CARNMT1: variants seen among roughly 807,000 people sequenced by gnomAD.
CARNMT1 encodes the protein protein-L-histidine N-pros-methyltransferase CARNMT1.
Under a neutral mutation model 49.6 loss-of-function variants are expected in CARNMT1, and 28 were observed. The observed-to-expected ratio is 0.56, with a 90% CI of 0.42 to 0.77. The LOEUF (loss-of-function observed/expected upper bound fraction) is 0.77, where lower values mean the gene tolerates loss of function less well. Among genes scored for constraint, CARNMT1 ranks in the 30% least tolerant of loss-of-function variants. CARNMT1 has a pLI of 0.00. For synonymous variants in CARNMT1, 178 were observed against 175.0 expected (o/e 1.02, Z -0.13); for missense variants, 421 against 512.6 (o/e 0.82, Z 1.73).
At chr9:75,008,337 AT>A (rs889702547) in intron 3 of CARNMT1, among the ~76,000 whole-genome samples, 1 of 151,806 alleles carries the variant, frequency 6.6e-6, no homozygotes, top group African/African-American at 2.4e-5. Flanking sequence ...ATCTTTATAA[AT>A]TTTTTTTTCT....
In CARNMT1 at chr9:75,000,338, G is replaced by A. The variant is rs545189402; in HGVS notation, c.591-468C>T. On this transcript the variant is annotated intron_variant, in intron 3 of 7. Coordinates refer to ENST00000376834, the MANE Select transcript of CARNMT1 (RefSeq NM_152420.3). ...ATTAAACAGATGTAGAGTTTAATGT[G>A]TCAGGTATATCTCTAAATCCCTATA... Among the ~76,000 whole-genome samples the A allele has an allele frequency of 1.1e-4, 17 of 152,240 alleles. No individual in the cohort carries two copies. In the South Asian group the frequency reaches 3.1e-3, roughly 28 times the overall value.
intron 3 of CARNMT1, among the ~76,000 whole-genome samples, chr9:75,015,360 C>T (rs1411055088): frequency 2.0e-5 from 3 of 151,930 alleles, no homozygotes; most frequent in Non-Finnish European, 4.4e-5. Context: ...ATACTTGCAG[C>T]TAAATTGTAT....
rs1480997138 is a variant in CARNMT1 at position 74,983,112 on chromosome 9, A to G, written c.*655T>C. On this transcript the variant is annotated 3_prime_UTR_variant, in exon 8 of 8. Coordinates refer to ENST00000376834, the MANE Select transcript of CARNMT1 (RefSeq NM_152420.3). ...AGACACAGGCCAGGCGCGGTGGTAC[A>G]TGCCTACAGTCCTAGCTACTCAGGA... is the stretch of plus-strand genomic sequence containing the variant. The G allele has an allele frequency of 6.6e-6, 1 of 152,118 alleles. No individual in the cohort carries two copies. Among genetic ancestry groups the G allele is most frequent in the African/African-American group, 2.4e-5 (1 of 41,434 alleles). The allele number at this position is 152,118 out of a possible 1,614,324, so 9.4% of individuals were successfully genotyped here. A position where few individuals can be genotyped will look rare whatever the true frequency, so the allele number is the denominator to read the frequency against.
At chr9:75,021,264 A>T (rs1822344300) in intron 1 of CARNMT1, among the ~76,000 whole-genome samples, 1 of 143,292 alleles carries the variant, frequency 7.0e-6, no homozygotes, top group Admixed American at 7.0e-5. Flanking sequence ...TACATAGTAT[A>T]TATGTATATA....
intron 5 of CARNMT1, among the ~76,000 whole-genome samples, chr9:74,997,471 CCAA>C (rs1833220822): frequency 6.6e-6 from 1 of 152,178 alleles, no homozygotes; most frequent in Admixed American, 6.5e-5. Flanking sequence ...CTATGGCCTG[CCAA>C]CAAGTTTGCC....
intron 7 of CARNMT1, among the ~76,000 whole-genome samples, chr9:74,984,363 T>C (rs1832763597): frequency 6.6e-6 from 1 of 152,220 alleles, no homozygotes; most frequent in Non-Finnish European, 1.5e-5. Flanking sequence ...ATCAGTATTA[T>C]AATGATCGGC....
chr9:75,016,288 T>A lies in CARNMT1; in HGVS notation c.570A>T (p.Lys190Asn). The A allele has an allele frequency of 6.2e-7, 1 of 1,612,770 alleles. No individual in the cohort carries two copies. Among genetic ancestry groups the A allele is most frequent in the Non-Finnish European group, 8.5e-7 (1 of 1,179,728 alleles). ...TTTACCATCTCTCTTTTGGAAAATT[T>A]TTTAAAATTTCTTTAATGATTGGCT... ...CYQPIIKEIL[K>N]NFPKERWDPS... The change falls in exon 3 of 8, where the codon AAA becomes AAT. Residue 190 changes from lysine to asparagine, a missense_variant. Lys to Asn is a moderately conservative substitution (Grantham distance 94). This residue lies in a region of CARNMT1 where 235 missense variants were observed against 344.8 expected (regional missense o/e 0.68). Coordinates refer to ENST00000376834, the MANE Select transcript of CARNMT1 (RefSeq NM_152420.3).
intron 3 of CARNMT1, among the ~76,000 whole-genome samples, chr9:75,010,691 T>C (rs142608831): frequency 5.9e-5 from 9 of 152,244 alleles, no homozygotes; most frequent in African/African-American, 1.2e-4. Flanking sequence ...ATTGATGATA[T>C]AGATCTACCT....
chr9:74,995,890 C>A (rs1210849287), intron 6 of CARNMT1: 1 of 152,004 alleles, frequency 6.6e-6, no homozygotes, highest in Non-Finnish European at 1.5e-5. Context: ...ACTGGAGGGA[C>A]CATGTTATAG....
chr9:75,021,122 G>A (rs1822338512), intron 1 of CARNMT1, among the ~76,000 whole-genome samples: 1 of 151,248 alleles, frequency 6.6e-6, no homozygotes, highest in Non-Finnish European at 1.5e-5. Flanking sequence ...TAGCAGACAG[G>A]GTTTCATTGG....
chr9:74,983,667 T>C lies in CARNMT1; in HGVS notation c.*100A>G. On this transcript the variant is annotated 3_prime_UTR_variant, in exon 8 of 8. Transcript: ENST00000376834. ...TTAGGAATAAGAAGGCACCACTGAT[T>C]TGAGGTTGTGTCCTGTCATCACTGA... The C allele has an allele frequency of 1.6e-6, 1 of 633,326 alleles. No homozygotes were observed. The highest frequency in any genetic ancestry group is 2.8e-6 in the Non-Finnish European group (1 of 360,816). The allele number at this position is 633,326 out of a possible 1,614,324, so 39.2% of individuals were successfully genotyped here. A position where few individuals can be genotyped will look rare whatever the true frequency, so the allele number is the denominator to read the frequency against.
chr9:75,015,416 T>C (rs924016393), intron 3 of CARNMT1, among the ~76,000 whole-genome samples: 1 of 152,192 alleles, frequency 6.6e-6, no homozygotes, highest in Non-Finnish European at 1.5e-5. Flanking sequence ...CAAATTTACT[T>C]TTTAAATATT....
chr9:74,993,119 A>T (rs1833079204), intron 6 of CARNMT1, among the ~76,000 whole-genome samples: 1 of 152,168 alleles, frequency 6.6e-6, no homozygotes, highest in Admixed American at 6.5e-5. Context: ...CCAGGTGACT[A>T]GGAAGCATTA....
At chr9:75,026,810 T>C (rs1039198074) in intron 1 of CARNMT1, among the ~76,000 whole-genome samples, 4 of 152,226 alleles carry the variant, frequency 2.6e-5, no homozygotes, top group African/African-American at 9.6e-5. Flanking sequence ...AGTCAAAAAC[T>C]TGACAGACTA....
chr9:75,012,716 G>T (rs1169573622), intron 3 of CARNMT1, among the ~76,000 whole-genome samples: 1 of 151,594 alleles, frequency 6.6e-6, no homozygotes, highest in Non-Finnish European at 1.5e-5. Flanking sequence ...GTTACACTGT[G>T]TTTTTAAAAA....
chr9:75,027,135 A>G, intron 1 of CARNMT1: 2 of 1,303,360 alleles, frequency 1.5e-6, no homozygotes, highest in Non-Finnish European at 2.0e-6. Flanking sequence ...TTACGTGAAT[A>G]AAAGTGTTAT....
chr9:74,983,842 T>C lies in CARNMT1; in HGVS notation c.1155A>G (p.Thr385=), dbSNP rs746450155. ...VEVEKESVLS[T]YTVNDLSMMK... ...TCATAGAGAGATCATTCACAGTATA[T>C]GTTGACAATACAGATTCTTTTTCCA... The change falls in exon 8 of 8, where the codon ACA becomes ACG. Residue 385 remains threonine, a synonymous_variant. Transcript: ENST00000376834. 3 of 1,602,878 alleles carry C rather than the reference T, an allele frequency of 1.9e-6. No individual in the cohort carries two copies. In the South Asian group the frequency reaches 3.4e-5, roughly 18 times the overall value.
rs1210919085 is a variant in CARNMT1, at chr9:75,017,582, C to T, written c.231-134G>A. The T allele has an allele frequency of 4.1e-6, 3 of 731,226 alleles. No individual in the cohort carries two copies. In the African/African-American group the frequency reaches 5.3e-5, roughly 13 times the overall value. 45.3% of individuals were successfully genotyped at this position (731,226 alleles called of 1,614,324 possible). On this transcript the variant is annotated intron_variant, in intron 1 of 7. Transcript: ENST00000376834. ...TGTCCTATCATTTACAATCTCTTGG[C>T]TTTAAAAAGGCATTAACTTATAAAG...
chr9:75,016,563 G>A (rs1018303875), intron 2 of CARNMT1, 132 bp from the exon 3 acceptor site: 3 of 755,842 alleles, frequency 4.0e-6, no homozygotes, highest in Non-Finnish European at 6.4e-6. Context: ...CTCAACTGGG[G>A]TTCAAGTGCA....
Sources: allele counts gnomAD v4.1 joint callset (sites outside exome capture counted in the v4.1 genomes callset), GRCh38; gene constraint gnomAD v4.1.1; regional missense constraint gnomAD v4.1.1; transcripts MANE v1.5; gene names NCBI Gene and HGNC (gene_info 2026-07-23, HGNC 2026-07-21).